NAV3: variants seen among roughly 807,000 people sequenced by gnomAD.
The protein encoded by NAV3 is pore membrane and/or filament interacting like protein 1.
NAV3 carries 87 observed loss-of-function variants against 244.7 expected under a neutral mutation model. The observed-to-expected ratio is 0.36, with a 90% CI of 0.30 to 0.42. The LOEUF (loss-of-function observed/expected upper bound fraction) is 0.42, where lower values mean the gene tolerates loss of function less well. Among genes scored for constraint, NAV3 ranks in the 20% least tolerant of loss-of-function variants. The pLI is 1.00. For missense variants in NAV3, 2,663 were observed against 2,893.3 expected (o/e 0.92, Z 1.83); for synonymous variants, 1,126 against 1,042.2 (o/e 1.08, Z -1.55).
intron 12 of NAV3, among the ~76,000 whole-genome samples, chr12:78,110,286 A>G (rs539185021): frequency 6.6e-6 from 1 of 152,088 alleles, no homozygotes; most frequent in Admixed American, 6.6e-5. Context: ...GAAATTAAGG[A>G]TTAAACAAAC....
At chr12:78,177,534 C>A (rs1958288829) in intron 27 of NAV3, 86 bp from the exon 28 acceptor site, 1 of 1,309,224 alleles carries the variant, frequency 7.6e-7, no homozygotes, top group Non-Finnish European at 1.1e-6. Flanking sequence ...GTTTCTTGAT[C>A]TCATTCTCCA....
In NAV3 at chr12:78,205,143, G is replaced by A; in HGVS notation, c.7038+5G>A. 1 of 1,611,988 alleles carries A rather than the reference G, an allele frequency of 6.2e-7. No individual in the cohort carries two copies. The highest frequency in any genetic ancestry group is 1.1e-5 in the South Asian group (1 of 90,796). ...GACACAGAAGGAGATCCCCTGGTAA[G>A]AATCAGATGTTCATTTCTTCCTATG... is the stretch of plus-strand genomic sequence containing the variant. On this transcript the variant is annotated splice_donor_5th_base_variant and intron_variant, in intron 39 of 39. Transcript: ENST00000397909.
At chr12:78,187,981 A>G (rs181944433) in intron 31 of NAV3, among the ~76,000 whole-genome samples, 101 of 152,020 alleles carry the variant, frequency 6.6e-4, no homozygotes, top group Admixed American at 1.8e-3. Context: ...GTCATGGATC[A>G]GTTTTCCTCG....
At chr12:78,087,331 C>T (rs1953690164) in intron 12 of NAV3, among the ~76,000 whole-genome samples, 1 of 151,964 alleles carries the variant, frequency 6.6e-6, no homozygotes, top group South Asian at 2.1e-4. Context: ...TGAAAATCAA[C>T]AGCCTAAAGG....
chr12:78,073,932 T>G (rs1437924920), intron 12 of NAV3, among the ~76,000 whole-genome samples: 1 of 152,244 alleles, frequency 6.6e-6, no homozygotes, highest in Non-Finnish European at 1.5e-5. Context: ...GTTGATGATT[T>G]TATAGCAGAG....
chr12:77,845,368 C>T (rs1322934441), intron 1 of NAV3, among the ~76,000 whole-genome samples: 2 of 152,110 alleles, frequency 1.3e-5, no homozygotes, highest in East Asian at 3.8e-4. Context: ...GACTAAGAAC[C>T]TATAACATCC....
At chr12:77,965,734 T>C (rs1892456522) in intron 3 of NAV3, among the ~76,000 whole-genome samples, 1 of 152,308 alleles carries the variant, frequency 6.6e-6, no homozygotes, top group East Asian at 1.9e-4. Flanking sequence ...AATACAAATA[T>C]AATTTTTAAA....
chr12:77,799,909 A>T (rs1871613956), intron 2 of NAV3, among the ~76,000 whole-genome samples: 1 of 152,176 alleles, frequency 6.6e-6, no homozygotes, highest in Non-Finnish European at 1.5e-5. Context: ...TTATAATGCT[A>T]CTGTAGTTTT....
In NAV3 at chr12:77,831,149, A is replaced by AACAGAGAGAGAGAGAG; in HGVS notation, c.-311_-296dup. On this transcript the variant is annotated 5_prime_UTR_variant, in exon 1 of 40. Coordinates refer to ENST00000397909, the MANE Select transcript of NAV3 (RefSeq NM_001024383.2). Reference sequence around the variant, plus strand: ...GTATTACTTAGATACTGAGTCACTGAACAGAGAGAGAGAGAGAGACAGAGA... The same window carrying AACAGAGAGAGAGAGAG: ...GTATTACTTAGATACTGAGTCACTGAACAGAGAGAGAGAGAGACAGAGAGAGAGAGAGAGACAGAGA... The AACAGAGAGAGAGAGAG allele has an allele frequency of 6.0e-6, 1 of 166,788 alleles. No individual in the cohort carries two copies. The highest frequency in any genetic ancestry group is 1.5e-4 in the South Asian group (1 of 6,886). The allele number at this position is 166,788 out of a possible 1,614,324, so 10.3% of individuals were successfully genotyped here.
intron 2 of NAV3, among the ~76,000 whole-genome samples, chr12:77,714,903 A>T (rs1004334210): frequency 6.6e-6 from 1 of 152,130 alleles, no homozygotes; most frequent in Non-Finnish European, 1.5e-5. Context: ...AATACATAAC[A>T]TAATTTTTAG....
In NAV3 at chr12:77,875,793, G is replaced by A. The variant is rs1394161086; in HGVS notation, c.243+44089G>A. ...AATGTGCTTTTATGTCTCCACTCGT[G>A]TTCTTGTTTAAATATGTAATTAATA... On this transcript the variant is annotated intron_variant, in intron 1 of 39. Transcript: ENST00000397909. Among the ~76,000 whole-genome samples, 2 of 151,904 alleles carry A rather than the reference G, an allele frequency of 1.3e-5. 1 individual carries two copies. Among genetic ancestry groups the A allele is most frequent in the South Asian group, 4.1e-4 (2 of 4,822 alleles).
chr12:77,580,401 T>C (rs1175010462), intron 2 of NAV3, among the ~76,000 whole-genome samples: 2 of 152,190 alleles, frequency 1.3e-5, no homozygotes, highest in Non-Finnish European at 2.9e-5. Context: ...TGACACCGTC[T>C]GCTGGTTCCC....
chr12:77,866,845 A>G (rs11107095), intron 1 of NAV3, among the ~76,000 whole-genome samples: 18,049 of 152,220 alleles, frequency 0.12, 1,270 homozygotes, highest in South Asian at 0.19. Flanking sequence ...TCCAACCCTA[A>G]TGAAAATAAA....
At chr12:78,178,164 T>TG (rs1275970265) in intron 28 of NAV3, among the ~76,000 whole-genome samples, 4 of 149,904 alleles carry the variant, frequency 2.7e-5, no homozygotes, top group Non-Finnish European at 5.9e-5. Flanking sequence ...AATAGTGTTT[T>TG]TTTTTTTTTT....
At chr12:77,754,397 A>C (rs749840052) in intron 2 of NAV3, among the ~76,000 whole-genome samples, 2 of 152,132 alleles carry the variant, frequency 1.3e-5, no homozygotes, top group African/African-American at 4.8e-5. Context: ...CTACACTCCA[A>C]CACAAGCTAT....
At chr12:77,714,693 A>C (rs1289655355) in intron 2 of NAV3, among the ~76,000 whole-genome samples, 2 of 152,146 alleles carry the variant, frequency 1.3e-5, no homozygotes, top group Non-Finnish European at 2.9e-5. Context: ...TATGAATTTC[A>C]TTTTTAATTT....
intron 2 of NAV3, among the ~76,000 whole-genome samples, chr12:77,662,227 G>GTCTATCTATCTATCTATCTA (rs71088326): frequency 1.1e-3 from 157 of 146,052 alleles, no homozygotes; most frequent in East Asian, 4.2e-3. Context: ...ATATCTATCT[G>GTCTATCTATCTATCTATCTA]TCTATCTATC....
intron 14 of NAV3, among the ~76,000 whole-genome samples, chr12:78,118,818 T>C (rs563859666): frequency 4.6e-5 from 7 of 152,238 alleles, no homozygotes; most frequent in African/African-American, 1.7e-4. Flanking sequence ...TTAAAAAGAC[T>C]CTCCCCGTAT....
chr12:77,909,629 C>T (rs2137028194), intron 1 of NAV3, among the ~76,000 whole-genome samples: 1 of 152,086 alleles, frequency 6.6e-6, no homozygotes, highest in Non-Finnish European at 1.5e-5. Flanking sequence ...TGAAGTTCAG[C>T]CACCTTTCAA....
Sources: allele counts gnomAD v4.1 joint callset (sites outside exome capture counted in the v4.1 genomes callset), GRCh38; gene constraint gnomAD v4.1.1; transcripts MANE v1.5; gene names NCBI Gene and HGNC (gene_info 2026-07-23, HGNC 2026-07-21).